Variants in RRAS2 observed in about 807,000 individuals in gnomAD.
RRAS2 encodes the protein ras-related protein R-Ras2.
A neutral mutation model predicts 27.6 loss-of-function variants in RRAS2; 7 were observed. The observed-to-expected ratio is 0.25, with a 90% CI of 0.14 to 0.48. RRAS2 has a LOEUF of 0.48. Ranked by LOEUF, RRAS2 falls within the 20% of genes least tolerant of loss-of-function variation. The probability of loss-of-function intolerance (pLI) is 0.99; values close to 1 mark genes in which losing one functional copy is unlikely to be tolerated. For missense variants in RRAS2, 178 were observed against 256.2 expected (o/e 0.69, Z 2.08); for synonymous variants, 86 against 90.9 (o/e 0.95, Z 0.31).
At chr11:14,310,460 G>A (rs1847935158) in intron 1 of RRAS2, among the ~76,000 whole-genome samples, 1 of 152,136 alleles carries the variant, frequency 6.6e-6, no homozygotes, top group Non-Finnish European at 1.5e-5. Flanking sequence ...AACTGAGAAG[G>A]AGCAGCTAAA....
At chr11:14,343,044 G>A (rs1001439159) in intron 1 of RRAS2, among the ~76,000 whole-genome samples, 26 of 152,168 alleles carry the variant, frequency 1.7e-4, no homozygotes, top group Non-Finnish European at 3.1e-4. Context: ...TTTTGTGACA[G>A]GCCAGTAAGA....
intron 1 of RRAS2, among the ~76,000 whole-genome samples, chr11:14,322,008 AAC>A (rs1315404898): frequency 6.6e-6 from 1 of 152,194 alleles, no homozygotes; most frequent in African/African-American, 2.4e-5. Flanking sequence ...TATACTATTT[AAC>A]AGTTACTATG....
At chr11:14,286,838 TC>T (rs759496013) in intron 4 of RRAS2, among the ~76,000 whole-genome samples, 90 of 152,324 alleles carry the variant, frequency 5.9e-4, no homozygotes, top group Admixed American at 2.0e-3. Flanking sequence ...TATAAACTGA[TC>T]AAGTTACCCG....
chr11:14,360,850 C>T (rs981788027), upstream of RRAS2, among the ~76,000 whole-genome samples: 1 of 146,118 alleles, frequency 6.8e-6, no homozygotes, highest in Non-Finnish European at 1.5e-5. Context: ...GAGCCTGGGA[C>T]GCGGAAGTGA....
chr11:14,301,287 G>A (rs1454746474), intron 1 of RRAS2, among the ~76,000 whole-genome samples: 3 of 152,132 alleles, frequency 2.0e-5, no homozygotes, highest in Non-Finnish European at 4.4e-5. Context: ...AAATCTGGTG[G>A]TAGCACATAA....
At chr11:14,325,247 G>T (rs1848325713) in intron 1 of RRAS2, among the ~76,000 whole-genome samples, 1 of 151,930 alleles carries the variant, frequency 6.6e-6, no homozygotes, top group African/African-American at 2.4e-5. Context: ...ACCACAAAAT[G>T]AGCTTGCACT....
At position 14,278,581 on chromosome 11, in the gene RRAS2, C is replaced by T. The variant is rs1554943804; in HGVS notation, c.*756G>A. On this transcript the variant is annotated 3_prime_UTR_variant, in exon 6 of 6. Transcript: ENST00000256196. ...TTTTTGAATCCCTTACCCAGAAATACTTGAAAAGGAAGACAGAAGGAAATT... is the reference window on the plus strand; with the variant it reads ...TTTTTGAATCCCTTACCCAGAAATATTTGAAAAGGAAGACAGAAGGAAATT... 36 of 152,090 alleles carry T rather than the reference C, an allele frequency of 2.4e-4. No individual in the cohort carries two copies. The highest frequency in any genetic ancestry group is 1.5e-5 in the Non-Finnish European group (1 of 68,020). 9.4% of individuals were successfully genotyped at this position (152,090 alleles called of 1,614,324 possible). A position where few individuals can be genotyped will look rare whatever the true frequency, so the allele number is the denominator to read the frequency against.
At chr11:14,298,475 CTG>C (rs1847615743) in intron 1 of RRAS2, among the ~76,000 whole-genome samples, 1 of 152,176 alleles carries the variant, frequency 6.6e-6, no homozygotes, top group South Asian at 2.1e-4. Context: ...GTATAATAAA[CTG>C]TTTTACCTCT....
chr11:14,279,510 T>G, intron 5 of RRAS2, 86 bp from the exon 6 acceptor site: 3 of 1,002,168 alleles, frequency 3.0e-6, no homozygotes, highest in Non-Finnish European at 4.7e-6. Flanking sequence ...CAAGTTCACT[T>G]TTAAGTGTGT....
At chr11:14,353,032 C>G (rs1394493244) in intron 1 of RRAS2, among the ~76,000 whole-genome samples, 2 of 152,038 alleles carry the variant, frequency 1.3e-5, no homozygotes, top group Non-Finnish European at 1.5e-5. Context: ...CTCCTGACTT[C>G]AAGTGATCCG....
chr11:14,301,979 T>C (rs534688322), intron 1 of RRAS2, among the ~76,000 whole-genome samples: 4 of 151,816 alleles, frequency 2.6e-5, no homozygotes, highest in Non-Finnish European at 5.9e-5. Context: ...CGAGACTCTT[T>C]CAAAAATTAA....
intron 1 of RRAS2, among the ~76,000 whole-genome samples, chr11:14,336,759 C>G (rs577898006): frequency 6.6e-6 from 1 of 152,208 alleles, no homozygotes; most frequent in South Asian, 2.1e-4. Flanking sequence ...TACAAAAGAT[C>G]TAACTTCCAT....
intron 1 of RRAS2, among the ~76,000 whole-genome samples, chr11:14,297,069 T>C (rs552439943): frequency 2.0e-5 from 3 of 152,198 alleles, no homozygotes; most frequent in Admixed American, 2.0e-4. Context: ...ACAACAATAA[T>C]CTGAGAGAGT....
chr11:14,338,387 C>T (rs1848629894), intron 1 of RRAS2, among the ~76,000 whole-genome samples: 1 of 152,130 alleles, frequency 6.6e-6, no homozygotes, highest in Non-Finnish European at 1.5e-5. Context: ...TTTGGAATAT[C>T]TGCATATACA....
At chr11:14,329,815 A>G (rs1045165624) in intron 1 of RRAS2, among the ~76,000 whole-genome samples, 1 of 152,224 alleles carries the variant, frequency 6.6e-6, no homozygotes, top group Non-Finnish European at 1.5e-5. Flanking sequence ...CATGCCTGTA[A>G]TCCCTGCACT....
intron 1 of RRAS2, among the ~76,000 whole-genome samples, chr11:14,301,051 T>TG (rs1354274630): frequency 6.6e-6 from 1 of 152,030 alleles, no homozygotes; most frequent in Admixed American, 6.5e-5. Flanking sequence ...TGTAAACAAA[T>TG]GGAGGGCAGT....
At chr11:14,279,701 T>C (rs1212400284) in intron 5 of RRAS2, among the ~76,000 whole-genome samples, 1 of 152,164 alleles carries the variant, frequency 6.6e-6, no homozygotes, top group Non-Finnish European at 1.5e-5. Context: ...AATTTGAAAT[T>C]CCATGACTCT....
chr11:14,335,220 G>C (rs1554952425), intron 1 of RRAS2, among the ~76,000 whole-genome samples: 1 of 152,106 alleles, frequency 6.6e-6, no homozygotes, highest in African/African-American at 2.4e-5. Context: ...TTTAATGGCA[G>C]GCTTCCAGAG....
intron 1 of RRAS2, among the ~76,000 whole-genome samples, chr11:14,301,645 C>G (rs1247825636): frequency 2.0e-5 from 3 of 152,186 alleles, no homozygotes; most frequent in Non-Finnish European, 4.4e-5. Context: ...CACACTCACA[C>G]TCATCTTCCA....
Sources: allele counts gnomAD v4.1 joint callset (sites outside exome capture counted in the v4.1 genomes callset), GRCh38; gene constraint gnomAD v4.1.1; transcripts MANE v1.5; gene names NCBI Gene and HGNC (gene_info 2026-07-23, HGNC 2026-07-21).